Variants in UBE3A observed in about 807,000 individuals in gnomAD.
The protein encoded by UBE3A is ubiquitin protein ligase E3A.
Under a neutral mutation model 83.4 loss-of-function variants are expected in UBE3A, and 6 were observed. The ratio of observed to expected loss-of-function variants is 0.07; its 90% confidence interval spans 0.04 to 0.14. The LOEUF (loss-of-function observed/expected upper bound fraction) is 0.14. UBE3A is among the 10% of genes least tolerant of loss of function. The pLI, the probability that UBE3A is intolerant of heterozygous loss-of-function variation, is 1.00. For synonymous variants in UBE3A, 337 were observed against 355.4 expected (o/e 0.95, Z 0.58); for missense variants, 456 against 1,036.1 (o/e 0.44, Z 7.69).
intron 11 of UBE3A, among the ~76,000 whole-genome samples, chr15:25,342,471 T>A (rs2075005080): frequency 6.6e-6 from 1 of 152,194 alleles, no homozygotes; most frequent in South Asian, 2.1e-4. Context: ...TCTATTCCTA[T>A]AAGTGTTATG....
chr15:25,373,886 G>C (rs924500705), intron 5 of UBE3A: 3 of 152,086 alleles, frequency 2.0e-5, no homozygotes, highest in African/African-American at 7.2e-5. Context: ...ATTGATACAG[G>C]TGTTCTACTG....
At position 25,339,275 on chromosome 15, in the gene UBE3A, G is replaced by A. The variant is rs769775273; in HGVS notation, c.2499-18C>T. The A allele has an allele frequency of 6.2e-7, 1 of 1,609,030 alleles. No homozygotes were observed. Among genetic ancestry groups the A allele is most frequent in the Non-Finnish European group, 8.5e-7 (1 of 1,177,874 alleles). On this transcript the variant is annotated intron_variant, in intron 12 of 12. Coordinates refer to ENST00000648336, the MANE Select transcript of UBE3A (RefSeq NM_130839.5). Reference sequence around the variant, plus strand: ...TAGGTAACCTAAATAGAGAAAAGGGGAAAAAAACAGGAAAACTGTAAGTCA... The same window carrying A: ...TAGGTAACCTAAATAGAGAAAAGGGAAAAAAAACAGGAAAACTGTAAGTCA...
intron 4 of UBE3A, among the ~76,000 whole-genome samples, chr15:25,387,439 G>A (rs1284186597): frequency 3.3e-5 from 5 of 151,898 alleles, no homozygotes; most frequent in African/African-American, 7.3e-5. Flanking sequence ...AGAGAATGGC[G>A]TGAACCCGGG....
At position 25,351,041 on chromosome 15, in the gene UBE3A, G is replaced by A. The variant is rs1289234482; in HGVS notation, c.2354+3312C>T. Reference sequence around the variant, plus strand: ...CCAATTAAGCCCTGGGTATTTCACTGTATTCAAATTTTACCCCACACAACA... The same window carrying A: ...CCAATTAAGCCCTGGGTATTTCACTATATTCAAATTTTACCCCACACAACA... On this transcript the variant is annotated intron_variant, in intron 11 of 12. Transcript: ENST00000648336. Among the ~76,000 whole-genome samples, 24 of 152,256 alleles carry A rather than the reference G, an allele frequency of 1.6e-4. No individual in the cohort carries two copies. The East Asian group carries it at 4.6e-3, about 29-fold the overall frequency.
intron 4 of UBE3A, among the ~76,000 whole-genome samples, chr15:25,386,220 G>T (rs1044795664): frequency 2.6e-5 from 4 of 152,020 alleles, no homozygotes; most frequent in Non-Finnish European, 5.9e-5. Flanking sequence ...CTAATCATAA[G>T]ACTACAGAAC....
chr15:25,359,354 A>G (rs2152722265), intron 7 of UBE3A, among the ~76,000 whole-genome samples: 1 of 152,252 alleles, frequency 6.6e-6, no homozygotes, highest in South Asian at 2.1e-4. Context: ...AGAACAAACT[A>G]CATACAAATG....
At chr15:25,372,339 G>C (rs1295812179) in intron 5 of UBE3A, among the ~76,000 whole-genome samples, 1 of 152,132 alleles carries the variant, frequency 6.6e-6, no homozygotes, top group Non-Finnish European at 1.5e-5. Context: ...GGTCTTCCTA[G>C]TTTGTTCCAG....
chr15:25,405,354 G>A, intron 4 of UBE3A, 107 bp downstream of exon 4: 1 of 1,318,220 alleles, frequency 7.6e-7, no homozygotes, highest in East Asian at 2.3e-5. Context: ...ACTGCTAAAT[G>A]ATTCCTTTCT....
At chr15:25,416,529 G>C (rs548848670) in intron 1 of UBE3A, among the ~76,000 whole-genome samples, 5 of 152,150 alleles carry the variant, frequency 3.3e-5, no homozygotes, top group African/African-American at 1.2e-4. Context: ...CAGAGCACAA[G>C]GGGCTACGCA....
chr15:25,375,212 TCCTAAGAA>T, intron 5 of UBE3A: 1 of 462,980 alleles, frequency 2.2e-6, no homozygotes. Context: ...AATACATTTT[TCCTAAGAA>T]TTTTAAAAAG....
At chr15:25,369,050 G>C (rs1340037455) in intron 6 of UBE3A, among the ~76,000 whole-genome samples, 2 of 152,058 alleles carry the variant, frequency 1.3e-5, no homozygotes, top group East Asian at 1.9e-4. Context: ...TCCAACAATG[G>C]ATAGTCATAG....
At chr15:25,418,249 C>T (rs918902624) in intron 1 of UBE3A, 8 of 152,094 alleles carry the variant, frequency 5.3e-5, no homozygotes, top group African/African-American at 1.9e-4. Flanking sequence ...TATAACCAGA[C>T]TTCTCATCAA....
intron 7 of UBE3A, among the ~76,000 whole-genome samples, 155 bp downstream of exon 7, chr15:25,360,228 C>A (rs982861559): frequency 6.6e-6 from 1 of 152,182 alleles, no homozygotes; most frequent in African/African-American, 2.4e-5. Context: ...GTTCCTAAAA[C>A]CTACAAATTC....
chr15:25,380,483 ACT>A (rs1478071744), intron 4 of UBE3A, among the ~76,000 whole-genome samples: 1 of 151,932 alleles, frequency 6.6e-6, no homozygotes, highest in African/African-American at 2.4e-5. Flanking sequence ...TGGCCTCTTA[ACT>A]CTCTCTTTAC....
At chr15:25,356,436 A>C (rs1204456386) in intron 8 of UBE3A, among the ~76,000 whole-genome samples, 3 of 152,206 alleles carry the variant, frequency 2.0e-5, no homozygotes, top group Non-Finnish European at 2.9e-5. Context: ...ACTAAAACAC[A>C]AACAAAATGT....
intron 11 of UBE3A, chr15:25,345,895 A>G (rs1182569038): frequency 1.3e-5 from 2 of 152,220 alleles, no homozygotes; most frequent in African/African-American, 2.4e-5. Context: ...ACTAAACTAG[A>G]AGAAACATAA....
chr15:25,408,687 A>G, intron 3 of UBE3A: 1 of 1,602,060 alleles, frequency 6.2e-7, no homozygotes, highest in Non-Finnish European at 8.5e-7. Context: ...GTAACTCTCT[A>G]GGAGAGAAAA....
rs1021674847 is a variant in UBE3A, at chr15:25,336,805, C to G, written c.*2332G>C. The G allele has an allele frequency of 2.6e-5, 4 of 152,042 alleles. No individual in the cohort carries two copies. The highest frequency in any genetic ancestry group is 4.4e-5 in the Non-Finnish European group (3 of 67,998). 9.4% of individuals were successfully genotyped at this position (152,042 alleles called of 1,614,324 possible). ...TTCCTTTTTTTCCCTCCAGAGCTTC[C>G]TGGAGATTGAGGTCTAATTCAAAGA... On this transcript the variant is annotated 3_prime_UTR_variant, in exon 13 of 13. Transcript: ENST00000648336.
chr15:25,344,939 C>A (rs1274968819), intron 11 of UBE3A, among the ~76,000 whole-genome samples: 1 of 152,080 alleles, frequency 6.6e-6, no homozygotes, highest in Non-Finnish European at 1.5e-5. Flanking sequence ...ATGATGATGG[C>A]AACGACATAG....
Sources: gnomAD v4.1 joint callset for allele counts (sites outside exome capture counted in the v4.1 genomes callset) on GRCh38, gnomAD v4.1.1 for gene constraint, MANE v1.5 for transcripts, NCBI Gene and HGNC (gene_info 2026-07-23, HGNC 2026-07-21) for gene names.